Variants in ZNF578 observed in about 807,000 individuals in gnomAD.
ZNF578 encodes the protein zinc finger protein 578.
Under a neutral mutation model 8.3 loss-of-function variants are expected in ZNF578, and 8 were observed. The ratio of observed to expected loss-of-function variants is 0.96; its 90% CI spans 0.56 to 1.74. The LOEUF is 1.74. Ranked by LOEUF, ZNF578 falls within the 40% of genes most tolerant of loss-of-function variation. The pLI is 0.00. For missense variants in ZNF578, 726 were observed against 707.5 expected (o/e 1.03, Z -0.30); for synonymous variants, 206 against 232.2 (o/e 0.89, Z 1.03).
intron 3 of ZNF578, among the ~76,000 whole-genome samples, chr19:52,492,242 A>C (rs2059368136): frequency 1.3e-5 from 2 of 148,748 alleles, no homozygotes; most frequent in Non-Finnish European, 3.0e-5. Flanking sequence ...TTACTTTGTC[A>C]CCAGGCTGGT....
At chr19:52,509,001 A>G (rs12463002) in intron 5 of ZNF578, among the ~76,000 whole-genome samples, 1 of 147,880 alleles carries the variant, frequency 6.8e-6, no homozygotes, top group Admixed American at 6.9e-5. Context: ...TCCTGGGTTC[A>G]AAAGATTCTT....
intron 5 of ZNF578, among the ~76,000 whole-genome samples, chr19:52,509,253 C>T (rs1298817439): frequency 6.6e-6 from 1 of 152,018 alleles, no homozygotes; most frequent in Non-Finnish European, 1.5e-5. Flanking sequence ...TGACCTCATA[C>T]ATCAGAAGGT....
intron 2 of ZNF578, among the ~76,000 whole-genome samples, chr19:52,464,268 G>A (rs1326676073): frequency 6.6e-6 from 1 of 152,056 alleles, no homozygotes; most frequent in Non-Finnish European, 1.5e-5. Flanking sequence ...TAATGACTTG[G>A]GCTTGCTGAA....
chr19:52,458,429 TGCC>T (rs2059245899), intron 2 of ZNF578: 1 of 138,298 alleles, frequency 7.2e-6, no homozygotes, highest in African/African-American at 2.8e-5. Flanking sequence ...TGTGAAATTT[TGCC>T]CTCATTAAAA....
rs707316 is a variant in ZNF578 at position 52,515,476 on chromosome 19, T to C, written c.*3322T>C. 0.042 allele frequency among the ~76,000 whole-genome samples: 6,314 copies of C among 151,850 alleles called. 406 individuals carry two copies. The highest frequency in any genetic ancestry group is 0.14 in the African/African-American group (5,927 of 41,388). ...CTTTAGCCCAGGTTTGTGAAAGAGG[T>C]TTCTCTAATTTTCAAGGATGGGGGT... On this transcript the variant is annotated 3_prime_UTR_variant, in exon 6 of 6. Transcript: ENST00000421239.
At chr19:52,498,689 T>TTTTTTTTTTTG (rs2059396066) in intron 3 of ZNF578, among the ~76,000 whole-genome samples, 1 of 144,892 alleles carries the variant, frequency 6.9e-6, no homozygotes, top group African/African-American at 2.6e-5. Flanking sequence ...GGCCGCTTTT[T>TTTTTTTTTTTG]TTTTTTTTTT....
rs1304208222 is a variant in ZNF578 at position 52,510,574 on chromosome 19, AT to A, written c.194del (p.Ile65ThrfsTer6). On this transcript the variant is annotated frameshift_variant, in exon 6 of 6. Transcript: ENST00000421239. LOFTEE classifies it low-confidence loss of function (END_TRUNC). The part of the protein sequence containing the change: ...ENYRNLEAVD[I>X]SSKRMMKEVL... ...GTATTGGTGTTTATATTTTGTAGATATCTCTTCCAAACGCATGATGAAGGAG... is the reference window on the plus strand; with the variant it reads ...GTATTGGTGTTTATATTTTGTAGATACTCTTCCAAACGCATGATGAAGGAG... 6.5e-7 allele frequency: 1 copy of A among 1,528,554 alleles called. No homozygotes were observed. Among genetic ancestry groups the A allele is most frequent in the Non-Finnish European group, 8.8e-7 (1 of 1,140,810 alleles). 94.7% of individuals were successfully genotyped at this position (1,528,554 alleles called of 1,614,324 possible). A position where few individuals can be genotyped will look rare whatever the true frequency, so the allele number is the denominator to read the frequency against.
Position 52,505,230 on chromosome 19 carries a change from C to T in ZNF578, c.190+449C>T, listed in dbSNP as rs376610517. ...GCATCACAGAAGCGTCTCTCACTGG[C>T]ACTGTGACAATGTTCATCCCATAAA... On this transcript the variant is annotated intron_variant, in intron 5 of 5. Transcript: ENST00000421239. 2.0e-5 allele frequency among the ~76,000 whole-genome samples: 3 copies of T among 151,986 alleles called. No individual in the cohort carries two copies. The East Asian group carries it at 5.9e-4, about 30-fold the overall frequency.
chr19:52,511,892 T>G lies in ZNF578; in HGVS notation c.1511T>G (p.Leu504Arg), dbSNP rs1438232199. 6.2e-7 allele frequency: 1 copy of G among 1,613,606 alleles called. No individual in the cohort carries two copies. Among genetic ancestry groups the G allele is most frequent in the East Asian group, 2.2e-5 (1 of 44,814 alleles). ...HRSSLPCHRR[L>R]HSGEKPYKCN... is the part of the protein sequence containing the mutation. ...TCATCTCTTCCATGCCATCGTAGAC[T>G]TCATAGTGGTGAGAAACCTTACAAG... is the stretch of plus-strand genomic sequence containing the variant. Residue 504 changes from leucine to arginine, a missense_variant, in exon 6 of 6, where the codon CTT becomes CGT. Physicochemically the swap from Leu to Arg is moderately radical, Grantham distance 102. Transcript: ENST00000421239.
intron 2 of ZNF578, among the ~76,000 whole-genome samples, chr19:52,465,753 TTA>T (rs1369608784): frequency 6.6e-6 from 1 of 152,232 alleles, no homozygotes; most frequent in African/African-American, 2.4e-5. Flanking sequence ...CGTGGCGTAC[TTA>T]TATTCAGTTT....
intron 3 of ZNF578, chr19:52,492,973 C>T (rs1568462479): frequency 6.6e-6 from 1 of 152,280 alleles, no homozygotes; most frequent in East Asian, 1.9e-4. Flanking sequence ...TGTCTTCATT[C>T]ACATAGAGCA....
At chr19:52,493,213 A>G (rs940707082) in intron 3 of ZNF578, among the ~76,000 whole-genome samples, 2 of 151,952 alleles carry the variant, frequency 1.3e-5, no homozygotes, top group South Asian at 2.1e-4. Context: ...CCCCTGGAGC[A>G]CAGCGCCCCG....
chr19:52,508,567 G>T (rs1321219625), intron 5 of ZNF578, among the ~76,000 whole-genome samples: 1 of 151,932 alleles, frequency 6.6e-6, no homozygotes, highest in Non-Finnish European at 1.5e-5. Context: ...GGAGGCCGAG[G>T]TGGGTGGATC....
chr19:52,504,918 T>C (rs2059420281), intron 5 of ZNF578, 137 bp downstream of exon 5: 15 of 1,473,750 alleles, frequency 1.0e-5, no homozygotes, highest in Non-Finnish European at 1.3e-5. Context: ...GAGATGGATC[T>C]TTGCTCTTGT....
intron 2 of ZNF578, among the ~76,000 whole-genome samples, chr19:52,470,420 T>G (rs1342307873): frequency 1.3e-5 from 2 of 152,158 alleles, no homozygotes; most frequent in Non-Finnish European, 2.9e-5. Flanking sequence ...TAAGGAGATG[T>G]GTATGGGTGC....
chr19:52,473,762 TG>T, intron 2 of ZNF578: 2 of 301,220 alleles, frequency 6.6e-6, no homozygotes, highest in Non-Finnish European at 1.2e-5. Flanking sequence ...GATTAACAGA[TG>T]GGCAGTGAGG....
intron 2 of ZNF578, among the ~76,000 whole-genome samples, chr19:52,467,754 A>C (rs2059279937): frequency 6.6e-6 from 1 of 152,222 alleles, no homozygotes; most frequent in African/African-American, 2.4e-5. Flanking sequence ...AATTAACCAA[A>C]TTGATATACA....
chr19:52,476,527 G>T (rs1446961463), intron 2 of ZNF578, among the ~76,000 whole-genome samples: 1 of 152,110 alleles, frequency 6.6e-6, no homozygotes, highest in South Asian at 2.1e-4. Context: ...GGAGTTCCTT[G>T]TAGGAATTTC....
chr19:52,467,867 G>GA (rs1245410973), intron 2 of ZNF578, among the ~76,000 whole-genome samples: 4 of 151,608 alleles, frequency 2.6e-5, no homozygotes, highest in African/African-American at 4.8e-5. Flanking sequence ...AAACATCTGG[G>GA]AAAAAAAATA....
Sources: allele counts gnomAD v4.1 joint callset (sites outside exome capture counted in the v4.1 genomes callset), GRCh38; gene constraint gnomAD v4.1.1; transcripts MANE v1.5; gene names NCBI Gene and HGNC (gene_info 2026-07-23, HGNC 2026-07-21).